ARK2C: variants seen among roughly 807,000 people sequenced by gnomAD.
ARK2C encodes the protein arkadia (RNF111) C-terminal like ring finger ubiquitin ligase 2C.
At chr18:46,337,531 T>C in the ARK2C span, 5 of 985,314 alleles carry the variant, frequency 5.1e-6, no homozygotes, top group Non-Finnish European at 6.0e-6. Context: ...CTGTTGCCCT[T>C]CCGAAGCATG....
the ARK2C span, among the ~76,000 whole-genome samples, chr18:46,416,541 C>T: frequency 1.3e-5 from 2 of 152,252 alleles, no homozygotes; most frequent in Admixed American, 1.3e-4. Flanking sequence ...CAATAAACGA[C>T]AACGCCATTT....
At chr18:46,340,193 G>A in the ARK2C span, among the ~76,000 whole-genome samples, 3 of 152,190 alleles carry the variant, frequency 2.0e-5, no homozygotes, top group African/African-American at 7.2e-5. Flanking sequence ...GTATTTATTA[G>A]TTTCTGGTAT....
chr18:46,367,244 G>A, the ARK2C span, among the ~76,000 whole-genome samples: 119 of 152,226 alleles, frequency 7.8e-4, no homozygotes, highest in African/African-American at 2.7e-3. Flanking sequence ...TCCCATCCTG[G>A]CTGTCATACC....
chr18:46,403,045 C>A, the ARK2C span, among the ~76,000 whole-genome samples: 4 of 152,308 alleles, frequency 2.6e-5, no homozygotes, highest in South Asian at 8.3e-4. Flanking sequence ...CACTTCCTTT[C>A]AGCTGCTCTC....
At chr18:46,455,115 G>T in the ARK2C span, among the ~76,000 whole-genome samples, 10 of 152,290 alleles carry the variant, frequency 6.6e-5, no homozygotes, top group East Asian at 1.7e-3. Flanking sequence ...ATTGCTTTAC[G>T]ATAGTGCCTA....
chr18:46,433,182 C>G, the ARK2C span: 2 of 1,564,916 alleles, frequency 1.3e-6, no homozygotes, highest in Non-Finnish European at 1.7e-6. Context: ...TCTGTCCTTG[C>G]CTTCCAGGTG....
chr18:46,415,327 T>C, the ARK2C span, among the ~76,000 whole-genome samples: 2 of 152,154 alleles, frequency 1.3e-5, no homozygotes, highest in African/African-American at 4.8e-5. Context: ...GAGACCACCC[T>C]GGCTAACACG....
the ARK2C span, among the ~76,000 whole-genome samples, chr18:46,430,966 C>G: frequency 6.6e-6 from 1 of 152,282 alleles, no homozygotes; most frequent in South Asian, 2.1e-4. Context: ...CATAGGTATA[C>G]ACGTGCCATG....
the ARK2C span, chr18:46,456,025 A>G: frequency 6.2e-7 from 1 of 1,613,668 alleles, no homozygotes; most frequent in Non-Finnish European, 8.5e-7. Flanking sequence ...GGAGTCAGAC[A>G]CAGATGAGAA....
At chr18:46,390,754 G>A in the ARK2C span, among the ~76,000 whole-genome samples, 1 of 152,162 alleles carries the variant, frequency 6.6e-6, no homozygotes, top group African/African-American at 2.4e-5. Flanking sequence ...TACTGGGCTG[G>A]GCTCAGGTTC....
chr18:46,382,881 A>G, the ARK2C span, among the ~76,000 whole-genome samples: 43 of 152,258 alleles, frequency 2.8e-4, no homozygotes, highest in African/African-American at 1.0e-3. Context: ...CTGGACCGTC[A>G]GAGCCTCGGG....
chr18:46,461,186 A>G, the ARK2C span: 1 of 152,254 alleles, frequency 6.6e-6, no homozygotes, highest in Non-Finnish European at 1.5e-5. Context: ...CAGACGTCCC[A>G]ATGACCTTGA....
chr18:46,366,734 C>T, the ARK2C span, among the ~76,000 whole-genome samples: 1 of 152,192 alleles, frequency 6.6e-6, no homozygotes, highest in African/African-American at 2.4e-5. Flanking sequence ...TTTCTCTGAC[C>T]TTCCTAGTCC....
the ARK2C span, among the ~76,000 whole-genome samples, chr18:46,362,836 A>G: frequency 6.6e-6 from 1 of 152,184 alleles, no homozygotes; most frequent in Non-Finnish European, 1.5e-5. Flanking sequence ...AGCCAAGAGG[A>G]ATCTTAGAGG....
chr18:46,366,662 T>G, the ARK2C span, among the ~76,000 whole-genome samples: 4 of 152,228 alleles, frequency 2.6e-5, no homozygotes. Context: ...CTGAGAAGTT[T>G]TACACTTGGG....
At chr18:46,441,126 C>T in the ARK2C span, among the ~76,000 whole-genome samples, 5 of 152,220 alleles carry the variant, frequency 3.3e-5, no homozygotes. Flanking sequence ...GCTGGGACTA[C>T]AGGTGTGCAC....
chr18:46,410,917 A>G, the ARK2C span, among the ~76,000 whole-genome samples: 3 of 152,322 alleles, frequency 2.0e-5, no homozygotes, highest in South Asian at 6.2e-4. Flanking sequence ...TTATTTATTC[A>G]TCAGACATCT....
At chr18:46,345,579 G>A in the ARK2C span, among the ~76,000 whole-genome samples, 18 of 152,260 alleles carry the variant, frequency 1.2e-4, no homozygotes, top group Non-Finnish European at 2.1e-4. Flanking sequence ...GACTAGACGT[G>A]TGCGCAGCAG....
At chr18:46,456,382 G>T in the ARK2C span, 1 of 703,778 alleles carries the variant, frequency 1.4e-6, no homozygotes, top group Non-Finnish European at 2.5e-6. Flanking sequence ...CCTGGCGGAG[G>T]CTTCATGGTT....
Sources: gnomAD v4.1 joint callset for allele counts (sites outside exome capture counted in the v4.1 genomes callset) on GRCh38, gnomAD v4.1.1 for gene constraint, MANE v1.5 for transcripts, NCBI Gene and HGNC (gene_info 2026-07-23, HGNC 2026-07-21) for gene names.